Variants in RBPJ observed in about 807,000 individuals in gnomAD.
RBPJ encodes the protein recombination signal binding protein for immunoglobulin kappa J region, also known as recombining binding protein suppressor of hairless.
In RBPJ, 9 loss-of-function variants were observed where a neutral mutation model predicts 67.8. That is an observed-to-expected ratio of 0.13 (90% CI 0.08 to 0.23). RBPJ has a LOEUF of 0.23. Among genes scored for constraint, RBPJ ranks in the 10% least tolerant of loss-of-function variants. The pLI, the probability that RBPJ is intolerant of heterozygous loss-of-function variation, is 1.00. For missense variants in RBPJ, 305 were observed against 595.6 expected (o/e 0.51, Z 5.08); for synonymous variants, 198 against 203.3 (o/e 0.97, Z 0.22).
At chr4:26,244,145 G>GTATATATATATGTA (rs1719747919) in intron 1 of RBPJ, among the ~76,000 whole-genome samples, 1 of 137,380 alleles carries the variant, frequency 7.3e-6, no homozygotes, top group African/African-American at 2.7e-5. Context: ...ATATATATGT[G>GTATATATATATGTA]TACACATATA....
chr4:26,129,799 G>A, the RBPJ span, among the ~76,000 whole-genome samples: 1 of 152,062 alleles, frequency 6.6e-6, no homozygotes, highest in Non-Finnish European at 1.5e-5. Context: ...CTAGGATGGA[G>A]GTGGACATCA....
At chr4:26,181,827 G>T (rs61426859) in intron 1 of RBPJ, among the ~76,000 whole-genome samples, 6,744 of 152,250 alleles carry the variant, frequency 0.044, 517 homozygotes, top group African/African-American at 0.15. Context: ...GCACTTACCG[G>T]GAATGGAGCT....
chr4:26,332,313 T>C (rs754142730), intron 1 of RBPJ, among the ~76,000 whole-genome samples: 4 of 152,218 alleles, frequency 2.6e-5, no homozygotes, highest in Admixed American at 6.5e-5. Context: ...TTCAATGTGA[T>C]ATGTACACTT....
At chr4:26,221,090 T>G (rs1718886527) in intron 1 of RBPJ, among the ~76,000 whole-genome samples, 1 of 152,192 alleles carries the variant, frequency 6.6e-6, no homozygotes, top group Non-Finnish European at 1.5e-5. Flanking sequence ...CTTAAATAGT[T>G]TTTTGTTTTG....
intron 1 of RBPJ, among the ~76,000 whole-genome samples, chr4:26,382,119 C>T (rs1300264125): frequency 6.6e-6 from 1 of 152,016 alleles, no homozygotes; most frequent in Non-Finnish European, 1.5e-5. Flanking sequence ...CATGATTGGT[C>T]CAACTTATTT....
intron 1 of RBPJ, among the ~76,000 whole-genome samples, chr4:26,198,750 T>G (rs1210299873): frequency 6.6e-6 from 1 of 152,206 alleles, no homozygotes; most frequent in Non-Finnish European, 1.5e-5. Flanking sequence ...GTTTGAGTTT[T>G]TAACCATAAT....
At chr4:26,353,519 G>T (rs2109454856) in intron 1 of RBPJ, among the ~76,000 whole-genome samples, 1 of 151,886 alleles carries the variant, frequency 6.6e-6, no homozygotes, top group South Asian at 2.1e-4. Flanking sequence ...AAATAAGTGA[G>T]ATAATACATT....
chr4:26,164,356 C>T lies in RBPJ; in HGVS notation c.-167+742C>T, dbSNP rs186123498. On this transcript the variant is annotated intron_variant, in intron 1 of 4. Transcript: ENST00000512351. Reference sequence around the variant, plus strand: ...TTATACATACACTTGTACACCTATACACTATTATTGAGTGCCTGCTGTATA... The same window carrying T: ...TTATACATACACTTGTACACCTATATACTATTATTGAGTGCCTGCTGTATA... 7.9e-5 allele frequency among the ~76,000 whole-genome samples: 12 copies of T among 152,290 alleles called. No homozygotes were observed. In the East Asian group the frequency reaches 2.3e-3, roughly 29 times the overall value.
intron 1 of RBPJ, among the ~76,000 whole-genome samples, chr4:26,200,959 A>T (rs1365877290): frequency 3.9e-5 from 6 of 152,138 alleles, no homozygotes; most frequent in Non-Finnish European, 7.3e-5. Context: ...TTGTTCTCTG[A>T]TATACCCCCA....
At chr4:26,137,086 G>C in the RBPJ span, among the ~76,000 whole-genome samples, 1 of 152,200 alleles carries the variant, frequency 6.6e-6, no homozygotes, top group African/African-American at 2.4e-5. Flanking sequence ...GCTCCACTAG[G>C]TTCCCAGGTG....
chr4:26,324,030 C>T (rs1446282258), intron 1 of RBPJ, among the ~76,000 whole-genome samples: 1 of 152,066 alleles, frequency 6.6e-6, no homozygotes, highest in Non-Finnish European at 1.5e-5. Context: ...GTGATTATTT[C>T]CAAGTTACTC....
At chr4:26,366,334 G>T (rs1401590902) in intron 1 of RBPJ, among the ~76,000 whole-genome samples, 1 of 151,954 alleles carries the variant, frequency 6.6e-6, no homozygotes, top group East Asian at 1.9e-4. Flanking sequence ...CAGTTAGTTT[G>T]CTATAAAACT....
At chr4:26,248,240 G>A (rs1048580791) in intron 1 of RBPJ, among the ~76,000 whole-genome samples, 1 of 152,040 alleles carries the variant, frequency 6.6e-6, no homozygotes, top group African/African-American at 2.4e-5. Context: ...GCAATGAGCC[G>A]AGACCATGCC....
At chr4:26,197,835 G>A (rs1717829216) in intron 1 of RBPJ, among the ~76,000 whole-genome samples, 1 of 152,122 alleles carries the variant, frequency 6.6e-6, no homozygotes, top group Non-Finnish European at 1.5e-5. Flanking sequence ...GGGAAGGGAG[G>A]GGAGTGAAGG....
At chr4:26,201,067 T>C (rs996264814) in intron 1 of RBPJ, among the ~76,000 whole-genome samples, 12 of 152,204 alleles carry the variant, frequency 7.9e-5, no homozygotes, top group African/African-American at 2.2e-4. Flanking sequence ...AAGATAATCT[T>C]TGGGGTCTCT....
At chr4:26,184,514 G>T (rs1717155027) in intron 1 of RBPJ, among the ~76,000 whole-genome samples, 1 of 152,088 alleles carries the variant, frequency 6.6e-6, no homozygotes, top group African/African-American at 2.4e-5. Flanking sequence ...AAGGGTGGGG[G>T]ACTTTCCTAA....
chr4:26,326,870 T>C (rs1442618478), intron 1 of RBPJ, among the ~76,000 whole-genome samples: 1 of 152,226 alleles, frequency 6.6e-6, no homozygotes, highest in Non-Finnish European at 1.5e-5. Flanking sequence ...GGTCATGTTT[T>C]AGGAAGGCAG....
chr4:26,143,933 A>G, the RBPJ span, among the ~76,000 whole-genome samples: 1 of 152,214 alleles, frequency 6.6e-6, no homozygotes, highest in South Asian at 2.1e-4. Context: ...ATCTCAAAAA[A>G]CAAACAAAAA....
intron 4 of RBPJ, among the ~76,000 whole-genome samples, chr4:26,417,051 CT>C (rs202235343): frequency 1.3e-5 from 2 of 152,240 alleles, no homozygotes; most frequent in East Asian, 3.9e-4. Context: ...TCTAATAGAT[CT>C]TAAGTCTTGT....
Sources: gnomAD v4.1 joint callset for allele counts (sites outside exome capture counted in the v4.1 genomes callset) on GRCh38, gnomAD v4.1.1 for gene constraint, MANE v1.5 for transcripts, NCBI Gene and HGNC (gene_info 2026-07-23, HGNC 2026-07-21) for gene names.